Variants in SNTG2 observed in about 807,000 individuals in gnomAD.
SNTG2 encodes the protein syntrophin gamma 2, also known as gamma-2-syntrophin.
Under a neutral mutation model 70.9 loss-of-function variants are expected in SNTG2, and 74 were observed. That is an observed-to-expected ratio of 1.04 (90% confidence interval 0.86 to 1.27). SNTG2 has a LOEUF of 1.27. Ranked by LOEUF, SNTG2 falls within the 50% of genes most tolerant of loss-of-function variation. The probability of loss-of-function intolerance (pLI) is 0.00; values close to 1 mark genes in which losing one functional copy is unlikely to be tolerated. For synonymous variants in SNTG2, 278 were observed against 273.8 expected, an observed-to-expected ratio of 1.02 and a Z score of -0.15; for missense variants, 717 against 690.7, an observed-to-expected ratio of 1.04 and a Z score of -0.43.
chr2:1,281,683 G>A (rs1467327105), intron 14 of SNTG2, among the ~76,000 whole-genome samples: 2 of 152,122 alleles, frequency 1.3e-5, no homozygotes, highest in Non-Finnish European at 2.9e-5. Flanking sequence ...TGGCTGTGAT[G>A]AAGGTGAAGG....
intron 1 of SNTG2, among the ~76,000 whole-genome samples, chr2:993,315 G>T (rs913111611): frequency 1.4e-5 from 2 of 146,452 alleles, no homozygotes; most frequent in Non-Finnish European, 1.5e-5. Flanking sequence ...TTAGCATAAT[G>T]ATTTCAAGTT....
chr2:1,098,224 C>T lies in SNTG2; in HGVS notation c.239C>T (p.Pro80Leu). Residue 80 changes from proline to leucine, a missense_variant, in exon 3 of 17, where the codon CCA (proline) becomes CTA (leucine). Pro to Leu is a moderately conservative substitution (Grantham distance 98, BLOSUM62 -3). Coordinates refer to ENST00000308624, the MANE Select transcript of SNTG2 (RefSeq NM_018968.4). The part of the protein sequence containing the change: ...NRRTVTLRRQ[P>L]VGGLGLSIKG... ...AGAACTGTTACACTCCGCAGACAGC[C>T]AGTTGGCGGCTTGGGCCTGAGTATA... 6.2e-7 allele frequency: 1 copy of T among 1,614,004 alleles called. No homozygotes were observed. The highest frequency in any genetic ancestry group is 8.5e-7 in the Non-Finnish European group (1 of 1,179,890).
At chr2:1,273,610 C>T (rs1316354734) in intron 14 of SNTG2, among the ~76,000 whole-genome samples, 7 of 149,836 alleles carry the variant, frequency 4.7e-5, no homozygotes, top group Non-Finnish European at 8.9e-5. Context: ...AAAAAAAGAA[C>T]TTTGACTCAT....
At chr2:1,130,261 CA>C (rs1228593869) in intron 4 of SNTG2, among the ~76,000 whole-genome samples, 1 of 152,084 alleles carries the variant, frequency 6.6e-6, no homozygotes, top group Non-Finnish European at 1.5e-5. Context: ...GGTGAAGTGA[CA>C]ACATAATTTT....
At chr2:1,257,151 G>T (rs1678165886) in intron 12 of SNTG2, among the ~76,000 whole-genome samples, 1 of 152,082 alleles carries the variant, frequency 6.6e-6, no homozygotes, top group Non-Finnish European at 1.5e-5. Flanking sequence ...CATCCATGTG[G>T]CTCAAGGGGA....
intron 15 of SNTG2, among the ~76,000 whole-genome samples, chr2:1,313,811 C>T (rs546970369): frequency 4.6e-5 from 7 of 152,198 alleles, no homozygotes; most frequent in South Asian, 2.1e-4. Context: ...GAGAAGCTGA[C>T]GAGATCCTTG....
At chr2:1,175,597 T>C (rs919935470) in intron 8 of SNTG2, among the ~76,000 whole-genome samples, 1 of 152,200 alleles carries the variant, frequency 6.6e-6, no homozygotes, top group African/African-American at 2.4e-5. Context: ...TCCATTTCTT[T>C]CCATATTATT....
intron 13 of SNTG2, among the ~76,000 whole-genome samples, chr2:1,266,646 C>T (rs568518146): frequency 6.6e-6 from 1 of 151,546 alleles, no homozygotes; most frequent in Non-Finnish European, 1.5e-5. Flanking sequence ...TATAGAGACT[C>T]GGAGGCGCAG....
intron 2 of SNTG2, among the ~76,000 whole-genome samples, chr2:1,086,703 A>T (rs1664705945): frequency 6.6e-6 from 1 of 152,208 alleles, no homozygotes; most frequent in South Asian, 2.1e-4. Context: ...AAACGGACTC[A>T]CTGACAATTC....
Position 1,023,355 on chromosome 2 carries a change from T to C in SNTG2, c.73-60163T>C, listed in dbSNP as rs149219296. 1.2e-3 allele frequency among the ~76,000 whole-genome samples: 177 copies of C among 152,132 alleles called. 1 individual carries two copies. Among genetic ancestry groups the C allele is most frequent in the African/African-American group, 4.2e-3 (173 of 41,500 alleles). The stretch of plus-strand genomic sequence containing the variant: ...GTTTTCTCCTGTAGTGTGAGGTGAG[T>C]GGCCATGACATTGGGCTGAATTGAT... On this transcript the variant is annotated intron_variant, in intron 1 of 16. Transcript: ENST00000308624.
chr2:1,087,011 C>T (rs565870495), intron 2 of SNTG2, among the ~76,000 whole-genome samples: 1 of 152,112 alleles, frequency 6.6e-6, no homozygotes, highest in Non-Finnish European at 1.5e-5. Flanking sequence ...GGGAAATGGG[C>T]CTGGAGAGTG....
chr2:1,362,618 G>A lies in SNTG2; in HGVS notation c.1489-4725G>A, dbSNP rs546423813. Among the ~76,000 whole-genome samples the A allele has an allele frequency of 5.8e-4, 82 of 140,856 alleles. 1 individual carries two copies. Among genetic ancestry groups the A allele is most frequent in the Admixed American group, 1.1e-3 (15 of 13,938 alleles). The allele number at this position is 140,856 out of a possible 152,430, so 92.4% of individuals were successfully genotyped here. A position where few individuals can be genotyped will look rare whatever the true frequency, so the allele number is the denominator to read the frequency against. ...CAGTAGAGCTTCCATGAAGGTCACC[G>A]ACACTGAGCATTTCAGTAGAACTTC... On this transcript the variant is annotated intron_variant, in intron 16 of 16. Coordinates refer to ENST00000308624, the MANE Select transcript of SNTG2 (RefSeq NM_018968.4).
intron 7 of SNTG2, among the ~76,000 whole-genome samples, chr2:1,172,502 G>T (rs1046042937): frequency 2.6e-5 from 4 of 152,166 alleles, no homozygotes; most frequent in Non-Finnish European, 4.4e-5. Context: ...CTTGGAAACG[G>T]CATGAAAGTG....
At chr2:1,199,045 C>T (rs143564451) in intron 8 of SNTG2, among the ~76,000 whole-genome samples, 40 of 151,592 alleles carry the variant, frequency 2.6e-4, no homozygotes, top group Admixed American at 1.4e-3. Context: ...GCCAGCATTA[C>T]GTAATGCAAA....
intron 9 of SNTG2, among the ~76,000 whole-genome samples, chr2:1,211,663 G>A (rs1249942384): frequency 6.6e-6 from 1 of 152,112 alleles, no homozygotes; most frequent in East Asian, 1.9e-4. Context: ...CAGGGAAACT[G>A]CCCTTTATAA....
chr2:1,267,861 G>T (rs141908030), intron 14 of SNTG2, among the ~76,000 whole-genome samples: 1,652 of 152,306 alleles, frequency 0.011, 30 homozygotes, highest in African/African-American at 0.038. Context: ...CCGATGTGGC[G>T]CTCAAGTTCC....
At chr2:1,185,886 G>A (rs962477211) in intron 8 of SNTG2, among the ~76,000 whole-genome samples, 2 of 152,206 alleles carry the variant, frequency 1.3e-5, no homozygotes, top group Admixed American at 1.3e-4. Flanking sequence ...GCAACTGGCT[G>A]GAATTCCTTC....
chr2:997,879 C>T (rs756105492), intron 1 of SNTG2, among the ~76,000 whole-genome samples: 1 of 152,212 alleles, frequency 6.6e-6, no homozygotes, highest in Non-Finnish European at 1.5e-5. Flanking sequence ...AGAGCTGGAA[C>T]TACACAACCC....
chr2:1,088,073 T>A (rs866401966), intron 2 of SNTG2, among the ~76,000 whole-genome samples: 7 of 152,322 alleles, frequency 4.6e-5, no homozygotes, highest in Admixed American at 2.6e-4. Flanking sequence ...TTTACTTTTT[T>A]AAATTCTAAC....
Sources: gnomAD v4.1 joint callset for allele counts (sites outside exome capture counted in the v4.1 genomes callset) on GRCh38, gnomAD v4.1.1 for gene constraint, MANE v1.5 for transcripts, NCBI Gene and HGNC (gene_info 2026-07-23, HGNC 2026-07-21) for gene names.